The following ZNF407 variants were observed in gnomAD, a reference collection of about 807,000 sequenced individuals.
ZNF407 encodes zinc finger protein 407.
In ZNF407, 17 loss-of-function variants were observed where a neutral mutation model predicts 131.2. That is an observed-to-expected ratio of 0.13 (90% CI 0.09 to 0.19). The LOEUF (loss-of-function observed/expected upper bound fraction) is 0.19, where lower values mean the gene tolerates loss of function less well. Among genes scored for constraint, ZNF407 ranks in the 10% least tolerant of loss-of-function variants. The probability of loss-of-function intolerance (pLI) is 1.00; values close to 1 mark genes in which losing one functional copy is unlikely to be tolerated. For synonymous variants in ZNF407, 1,156 were observed against 1,062.0 expected (o/e 1.09, Z -1.72); for missense variants, 2,681 against 2,830.6 (o/e 0.95, Z 1.20).
intron 3 of ZNF407, among the ~76,000 whole-genome samples, chr18:74,741,984 GT>G (rs1422712413): frequency 6.6e-6 from 1 of 152,172 alleles, no homozygotes; most frequent in African/African-American, 2.4e-5. Context: ...TTTACACCAA[GT>G]GGGAAAGATG....
chr18:74,735,826 T>G (rs1252439569), intron 3 of ZNF407, among the ~76,000 whole-genome samples: 1 of 152,222 alleles, frequency 6.6e-6, no homozygotes, highest in Non-Finnish European at 1.5e-5. Flanking sequence ...ATTTCCTCTT[T>G]GCCCCACATT....
intron 7 of ZNF407, among the ~76,000 whole-genome samples, chr18:74,909,120 G>A (rs1971634873): frequency 1.7e-4 from 2 of 12,114 alleles, no homozygotes; most frequent in African/African-American, 2.0e-4. Flanking sequence ...ACTATAAACA[G>A]GCCAAAAAAA....
rs574183258 is a variant in ZNF407 at position 75,063,147 on chromosome 18, T to C, written c.5429-3T>C. 3 of 1,569,080 alleles carry C rather than the reference T, an allele frequency of 1.9e-6. No homozygotes were observed. Among genetic ancestry groups the C allele is most frequent in the African/African-American group, 2.7e-5 (2 of 73,274 alleles). On this transcript the variant is annotated splice_polypyrimidine_tract_variant and splice_region_variant and intron_variant, in intron 8 of 8. Coordinates refer to ENST00000299687, the MANE Select transcript of ZNF407 (RefSeq NM_017757.3). This position sits in a 1 kb window ranked among gnomAD's most constrained non-coding sequence, Gnocchi z 6.6. ...GGCTCTAACTGGTCCCTGTCTCCCTTAGGCATTGTTTCCAAGTCGTACGAG... is the reference window on the plus strand; with the variant it reads ...GGCTCTAACTGGTCCCTGTCTCCCTCAGGCATTGTTTCCAAGTCGTACGAG...
chr18:74,977,394 C>T (rs912515050), intron 8 of ZNF407, among the ~76,000 whole-genome samples: 3 of 152,248 alleles, frequency 2.0e-5, no homozygotes, highest in Non-Finnish European at 4.4e-5. Flanking sequence ...TTGTATGGAA[C>T]ATCTCCTCAG....
At chr18:75,032,198 A>G (rs1973248951) in intron 8 of ZNF407, among the ~76,000 whole-genome samples, 1 of 152,254 alleles carries the variant, frequency 6.6e-6, no homozygotes, top group East Asian at 1.9e-4. Context: ...TCCGTGTCAC[A>G]CGGAATGTGT....
chr18:74,723,255 G>A (rs1968080699), intron 3 of ZNF407, among the ~76,000 whole-genome samples: 2 of 152,094 alleles, frequency 1.3e-5, no homozygotes, highest in Admixed American at 1.3e-4. Context: ...TGGCTCTGAA[G>A]TCCTTTTAAA....
intron 8 of ZNF407, among the ~76,000 whole-genome samples, chr18:74,922,177 C>G (rs1219413311): frequency 2.0e-5 from 3 of 152,150 alleles, no homozygotes; most frequent in Non-Finnish European, 2.9e-5. Context: ...CAGATAAAGT[C>G]GAGTTGAAAT....
chr18:74,951,893 A>G (rs1178126366), intron 8 of ZNF407, among the ~76,000 whole-genome samples: 2 of 91,690 alleles, frequency 2.2e-5, no homozygotes, highest in Non-Finnish European at 2.0e-5. Context: ...AGGATCTGAC[A>G]AAAAAAAAAA....
chr18:74,902,091 A>G (rs1971533365), intron 7 of ZNF407, among the ~76,000 whole-genome samples: 1 of 152,222 alleles, frequency 6.6e-6, no homozygotes, highest in Non-Finnish European at 1.5e-5. Flanking sequence ...AAGGCAGAGT[A>G]ATTGTATATT....
chr18:74,704,417 A>G (rs1396684871), intron 3 of ZNF407, among the ~76,000 whole-genome samples: 1 of 152,166 alleles, frequency 6.6e-6, no homozygotes. Context: ...GAAGGGAAAA[A>G]GGCCGGTTCA....
At chr18:74,704,703 C>T (rs1420367100) in intron 3 of ZNF407, among the ~76,000 whole-genome samples, 4 of 152,162 alleles carry the variant, frequency 2.6e-5, no homozygotes, top group South Asian at 2.1e-4. Flanking sequence ...GCTTAAGTTG[C>T]GTGCTCTTTG....
At chr18:74,811,262 A>C (rs567807222) in intron 4 of ZNF407, among the ~76,000 whole-genome samples, 18 of 152,330 alleles carry the variant, frequency 1.2e-4, no homozygotes, top group African/African-American at 4.3e-4. Flanking sequence ...CAGCCAAAAA[A>C]CACATGAAAA....
chr18:74,799,613 A>G (rs190628782), intron 4 of ZNF407, among the ~76,000 whole-genome samples: 6 of 152,222 alleles, frequency 3.9e-5, no homozygotes, highest in African/African-American at 1.4e-4. Context: ...GACAGCAAAA[A>G]TATCATATAA....
intron 2 of ZNF407, among the ~76,000 whole-genome samples, chr18:74,639,892 A>G (rs1243079051): frequency 6.6e-6 from 1 of 152,066 alleles, no homozygotes; most frequent in African/African-American, 2.4e-5. Flanking sequence ...TTTTTTTACA[A>G]GGACACTGCA....
chr18:74,669,595 T>G (rs943993109), intron 3 of ZNF407, among the ~76,000 whole-genome samples: 3 of 152,252 alleles, frequency 2.0e-5, no homozygotes, highest in Non-Finnish European at 2.9e-5. Flanking sequence ...AAGTTAGTTA[T>G]TGACCAGGGG....
rs1973657033 is a variant in ZNF407, at chr18:75,063,065, C to T, written c.5429-85C>T. Reference sequence around the variant, plus strand: ...GGGGGTCGTGGTGACTCTGCTGAGGCCTGAGCGCTTCTGCAGAAGAAGTGT... The same window carrying T: ...GGGGGTCGTGGTGACTCTGCTGAGGTCTGAGCGCTTCTGCAGAAGAAGTGT... On this transcript the variant is annotated intron_variant, in intron 8 of 8. Transcript: ENST00000299687. This position sits in a 1 kb window ranked among gnomAD's most constrained non-coding sequence, Gnocchi z 6.6. The T allele has an allele frequency of 7.8e-7, 1 of 1,283,874 alleles. No individual in the cohort carries two copies. Among genetic ancestry groups the T allele is most frequent in the Admixed American group, 2.3e-5 (1 of 43,856 alleles). 79.5% of individuals were successfully genotyped at this position (1,283,874 alleles called of 1,614,324 possible). A position where few individuals can be genotyped will look rare whatever the true frequency, so the allele number is the denominator to read the frequency against.
intron 8 of ZNF407, among the ~76,000 whole-genome samples, chr18:74,995,062 G>A (rs548604616): frequency 6.6e-6 from 1 of 152,266 alleles, no homozygotes; most frequent in East Asian, 1.9e-4. Context: ...CTGACTTCCT[G>A]TGTGAAAAAA....
chr18:74,694,807 G>A (rs545224492), intron 3 of ZNF407, among the ~76,000 whole-genome samples: 15 of 152,246 alleles, frequency 9.9e-5, no homozygotes, highest in Admixed American at 8.5e-4. Flanking sequence ...TAGTTCTCAT[G>A]ACTGGAAGCT....
chr18:75,033,445 A>T (rs1007796882), intron 8 of ZNF407, among the ~76,000 whole-genome samples: 1 of 152,222 alleles, frequency 6.6e-6, no homozygotes, highest in Non-Finnish European at 1.5e-5. Flanking sequence ...CACAAGAATG[A>T]ATTGAATTTG....
Sources: allele counts gnomAD v4.1 joint callset (sites outside exome capture counted in the v4.1 genomes callset), GRCh38; gene constraint gnomAD v4.1.1; non-coding constraint Gnocchi (gnomAD v3.1); transcripts MANE v1.5; gene names NCBI Gene and HGNC (gene_info 2026-07-23, HGNC 2026-07-21).